Variants in RBM46 observed in about 807,000 individuals in gnomAD.
The protein encoded by RBM46 is probable RNA-binding protein 46.
Under a neutral mutation model 43.3 loss-of-function variants are expected in RBM46, and 12 were observed. That is an observed-to-expected ratio of 0.28 (90% confidence interval 0.18 to 0.45). RBM46 has a LOEUF of 0.45. Among genes scored for constraint, RBM46 ranks in the 20% least tolerant of loss-of-function variants. The pLI is 1.00. For missense variants in RBM46, 412 were observed against 639.1 expected, an observed-to-expected ratio of 0.64 and a Z score of 3.83; for synonymous variants, 205 against 207.6, an observed-to-expected ratio of 0.99 and a Z score of 0.11.
intron 1 of RBM46, among the ~76,000 whole-genome samples, chr4:154,791,475 T>C (rs550926240): frequency 1.4e-4 from 22 of 152,182 alleles, no homozygotes; most frequent in African/African-American, 5.1e-4. Context: ...GGGTAACATA[T>C]TGAAACCCCA....
At chr4:154,805,468 C>T (rs1015855470) in intron 4 of RBM46, among the ~76,000 whole-genome samples, 2 of 151,712 alleles carry the variant, frequency 1.3e-5, no homozygotes, top group African/African-American at 4.8e-5. Flanking sequence ...GCATTTTTTT[C>T]TGGTAATTGA....
chr4:154,826,739 CTTTTTTTTTT>C (rs34828322), intron 4 of RBM46: 1 of 933,638 alleles, frequency 1.1e-6, no homozygotes. Context: ...TTCATTTTTC[CTTTTTTTTTT>C]TTTTTTTTCC....
chr4:154,802,494 C>G (rs1173568745), intron 4 of RBM46, among the ~76,000 whole-genome samples: 1 of 152,142 alleles, frequency 6.6e-6, no homozygotes, highest in Admixed American at 6.5e-5. Flanking sequence ...TGATGCCTTT[C>G]TAGTTACACC....
At chr4:154,808,119 C>CTTA (rs981056381) in intron 4 of RBM46, among the ~76,000 whole-genome samples, 2 of 151,958 alleles carry the variant, frequency 1.3e-5, no homozygotes, top group Non-Finnish European at 2.9e-5. Flanking sequence ...ACATCAATCT[C>CTTA]TTAAACAGTT....
Position 154,789,146 on chromosome 4 carries a change from T to A in RBM46, c.-11-7596T>A, listed in dbSNP as rs866103747. On this transcript the variant is annotated intron_variant, in intron 1 of 4. Coordinates refer to ENST00000281722, the MANE Select transcript of RBM46 (RefSeq NM_144979.5). ...ACAGGGACAATTTGACTTCCTCTTTTCCTAATTGAATACCCTTTATTTATT... is the reference window on the plus strand; with the variant it reads ...ACAGGGACAATTTGACTTCCTCTTTACCTAATTGAATACCCTTTATTTATT... Among the ~76,000 whole-genome samples, 51 of 152,202 alleles carry A rather than the reference T, an allele frequency of 3.4e-4. 1 individual carries two copies. Among genetic ancestry groups the A allele is most frequent in the Admixed American group, 1.0e-3 (16 of 15,274 alleles).
chr4:154,801,739 A>G (rs1734648848), intron 4 of RBM46, among the ~76,000 whole-genome samples: 1 of 152,194 alleles, frequency 6.6e-6, no homozygotes, highest in Admixed American at 6.5e-5. Context: ...TTGTTTGCCC[A>G]TTTCATAAAG....
At chr4:154,826,722 A>G (rs1208939548) in intron 4 of RBM46, 1 of 1,166,892 alleles carries the variant, frequency 8.6e-7, no homozygotes, top group Non-Finnish European at 1.2e-6. Context: ...CCTATATTTA[A>G]CTGATTTTCA....
chr4:154,798,187 T>A lies in RBM46; in HGVS notation c.528T>A (p.Ser176Arg). Residue 176 changes from serine (S) to arginine (R), a missense_variant, in exon 3 of 5, where the codon AGT (serine) becomes AGA (arginine). Around this residue, in one of 8 missense-constraint regions of RBM46, gnomAD observed 48 missense variants for 78.9 expected, o/e 0.61. Transcript: ENST00000281722. ...EGVVDVIVYP[S>R]ATDKTKNRGF... is the part of the protein sequence containing the mutation. ...TTGTAGATGTCATTGTTTATCCAAG[T>A]GCAACTGATAAGACCAAAAATCGTG... 1 of 1,613,834 alleles carries A rather than the reference T, an allele frequency of 6.2e-7. No individual in the cohort carries two copies. The highest frequency in any genetic ancestry group is 8.5e-7 in the Non-Finnish European group (1 of 1,179,914).
At chr4:154,823,247 T>G (rs1735802000) in intron 4 of RBM46, among the ~76,000 whole-genome samples, 1 of 151,796 alleles carries the variant, frequency 6.6e-6, no homozygotes, top group South Asian at 2.1e-4. Flanking sequence ...TTGCTGGGGC[T>G]GAGAGAAGAG....
At chr4:154,811,989 A>T (rs1481143804) in intron 4 of RBM46, among the ~76,000 whole-genome samples, 1 of 150,338 alleles carries the variant, frequency 6.7e-6, no homozygotes, top group Non-Finnish European at 1.5e-5. Flanking sequence ...CCTGTTGTAG[A>T]TAGGATTTTA....
intron 1 of RBM46, among the ~76,000 whole-genome samples, chr4:154,792,269 T>C (rs916864546): frequency 6.6e-6 from 1 of 152,194 alleles, no homozygotes; most frequent in Non-Finnish European, 1.5e-5. Context: ...AATGAGATAA[T>C]GTATATAAAG....
At chr4:154,805,531 C>T (rs940180001) in intron 4 of RBM46, among the ~76,000 whole-genome samples, 4 of 151,662 alleles carry the variant, frequency 2.6e-5, no homozygotes, top group Admixed American at 6.6e-5. Context: ...TTAGCTTATC[C>T]TTTTTTTCAA....
chr4:154,824,844 T>G (rs1476889856), intron 4 of RBM46, among the ~76,000 whole-genome samples: 2 of 152,188 alleles, frequency 1.3e-5, no homozygotes, highest in East Asian at 3.9e-4. Flanking sequence ...ACTGATCTAT[T>G]GAAATAGAAA....
intron 4 of RBM46, among the ~76,000 whole-genome samples, chr4:154,817,499 T>C (rs1422491160): frequency 6.6e-6 from 1 of 151,726 alleles, no homozygotes; most frequent in Admixed American, 6.6e-5. Context: ...ACCCAGCTGA[T>C]TTTTGTATTT....
At position 154,828,067 on chromosome 4, in the gene RBM46, A is replaced by G. The variant is rs1253926616; in HGVS notation, c.1602A>G (p.Ter534TrpextTer4). 2 of 1,592,086 alleles carry G rather than the reference A, an allele frequency of 1.3e-6. No individual in the cohort carries two copies. Among genetic ancestry groups the G allele is most frequent in the Admixed American group, 1.7e-5 (1 of 59,930 alleles). The change falls in exon 5 of 5, where the codon TGA becomes TGG. Residue 534 changes from the stop codon to tryptophan (W), a stop_lost. Transcript: ENST00000281722. ...TCTCCAATCAGGCCTCCTTCTTCTG[A>G]AGAAAATACTAACATTAGTATGAAA... ...LCISNQASFF[*>W]
chr4:154,792,743 T>G (rs752391297), intron 1 of RBM46, among the ~76,000 whole-genome samples: 1 of 152,204 alleles, frequency 6.6e-6, no homozygotes, highest in Non-Finnish European at 1.5e-5. Flanking sequence ...ATAGGAACAA[T>G]CTATGTAAAG....
At chr4:154,789,255 G>A (rs1412838952) in intron 1 of RBM46, among the ~76,000 whole-genome samples, 1 of 152,154 alleles carries the variant, frequency 6.6e-6, no homozygotes, top group Non-Finnish European at 1.5e-5. Context: ...TCTTGTGCCA[G>A]TTTTCAAAGG....
chr4:154,805,628 T>G (rs1021292001), intron 4 of RBM46, among the ~76,000 whole-genome samples: 7 of 152,048 alleles, frequency 4.6e-5, no homozygotes, highest in Admixed American at 6.6e-5. Context: ...GAAGTTTTAA[T>G]CTGAAAAATA....
At chr4:154,807,313 A>G (rs1209337261) in intron 4 of RBM46, among the ~76,000 whole-genome samples, 5 of 151,622 alleles carry the variant, frequency 3.3e-5, no homozygotes, top group African/African-American at 1.2e-4. Context: ...TGTTACGTTG[A>G]TTTGTAGCTC....
Sources: allele counts gnomAD v4.1 joint callset (sites outside exome capture counted in the v4.1 genomes callset), GRCh38; gene constraint gnomAD v4.1.1; regional missense constraint gnomAD v4.1.1; transcripts MANE v1.5; gene names NCBI Gene and HGNC (gene_info 2026-07-23, HGNC 2026-07-21).